Variants in ZBTB17 observed in about 807,000 individuals in gnomAD.
The protein encoded by ZBTB17 is zinc finger and BTB domain-containing protein 17.
ZBTB17 carries 24 observed loss-of-function variants against 85.1 expected under a neutral mutation model. The observed-to-expected ratio is 0.28, with a 90% CI of 0.20 to 0.40. The LOEUF (loss-of-function observed/expected upper bound fraction) is 0.40, where lower values mean the gene tolerates loss of function less well. ZBTB17 is among the 10% of genes least tolerant of loss of function. The pLI, the probability that ZBTB17 is intolerant of heterozygous loss-of-function variation, is 1.00. For synonymous variants in ZBTB17, 464 were observed against 460.2 expected (o/e 1.01, Z -0.11); for missense variants, 743 against 1,105.1 (o/e 0.67, Z 4.65).
At chr1:15,944,634 C>T (rs775349121) in intron 8 of ZBTB17, 34 bp from the exon 9 acceptor site, 76 of 1,600,294 alleles carry the variant, frequency 4.7e-5, no homozygotes, top group Non-Finnish European at 6.3e-5. Context: ...AGGCAGGGCT[C>T]GCTGGGGCGT....
At position 15,942,539 on chromosome 1, in the gene ZBTB17, A is replaced by G. The variant is rs1401211063; in HGVS notation, c.2028T>C (p.Thr676=). The G allele has an allele frequency of 1.2e-6, 2 of 1,611,020 alleles. No homozygotes were observed. The highest frequency in any genetic ancestry group is 1.1e-5 in the South Asian group (1 of 91,082). Residue 676 remains threonine, a synonymous_variant, in exon 14 of 16, where the codon ACT becomes ACC. Coordinates refer to ENST00000375743, the MANE Select transcript of ZBTB17 (RefSeq NM_003443.3). ...ATEALAATAV[T]QLTVVPVGAA... ...GCCCACAGCCCGCACCTGTGAGCTGAGTGACGGCTGTCGCTGCCAGTGCCT... is the reference window on the plus strand; with the variant it reads ...GCCCACAGCCCGCACCTGTGAGCTGGGTGACGGCTGTCGCTGCCAGTGCCT...
In ZBTB17 at chr1:15,966,903, G is replaced by A. The variant is rs975491981; in HGVS notation, c.-3+6136C>T. On this transcript the variant is annotated intron_variant, in intron 2 of 15. Transcript: ENST00000375743. The surrounding 1 kb of genome is among the most constrained non-coding windows in gnomAD (Gnocchi z 4.1). ...AACCTGGGCGAAAGAGCGAGACCCT[G>A]TCTCAAAAATTAAATTAATTAATTA... is the stretch of plus-strand genomic sequence containing the variant. Among the ~76,000 whole-genome samples, 1 of 150,058 alleles carries A rather than the reference G, an allele frequency of 6.7e-6. No homozygotes were observed. Among genetic ancestry groups the A allele is most frequent in the Admixed American group, 6.6e-5 (1 of 15,052 alleles).
chr1:15,967,080 TG>T, intron 2 of ZBTB17, among the ~76,000 whole-genome samples: 1 of 152,186 alleles, frequency 6.6e-6, no homozygotes, highest in South Asian at 2.1e-4. Context: ...AACCCAACAA[TG>T]GGTCACCCCA....
chr1:15,953,953 T>A lies in ZBTB17; in HGVS notation c.-2-5456A>T, dbSNP rs1004096156. ...TTAGGCCAAAGTCTTTATCAGATGG[T>A]TTCTATATACCCCTTTGCACTGGGC... On this transcript the variant is annotated intron_variant, in intron 2 of 15. Transcript: ENST00000375743. The surrounding 1 kb of genome is among the most constrained non-coding windows in gnomAD (Gnocchi z 5.1). Among the ~76,000 whole-genome samples the A allele has an allele frequency of 7.9e-5, 12 of 152,126 alleles. No homozygotes were observed. The highest frequency in any genetic ancestry group is 2.9e-4 in the African/African-American group (12 of 41,404).
At chr1:15,955,195 A>C (rs560664514) in intron 2 of ZBTB17, among the ~76,000 whole-genome samples, 1 of 152,252 alleles carries the variant, frequency 6.6e-6, no homozygotes, top group South Asian at 2.1e-4. Context: ...ACTTCCAAGG[A>C]AATGGAAGTT....
At chr1:15,970,587 C>T (rs2072614299) in intron 2 of ZBTB17, among the ~76,000 whole-genome samples, 2 of 151,826 alleles carry the variant, frequency 1.3e-5, no homozygotes, top group South Asian at 4.2e-4. Flanking sequence ...CTCGTTCTGT[C>T]ACCCAGGCTG....
chr1:15,965,157 C>T (rs938564012), intron 2 of ZBTB17, among the ~76,000 whole-genome samples: 1 of 145,928 alleles, frequency 6.9e-6, no homozygotes, highest in Non-Finnish European at 1.5e-5. Context: ...AAACAAAAAA[C>T]AATATCCTAC....
At chr1:15,946,086 C>T (rs2071596943) in intron 5 of ZBTB17, 68 bp downstream of exon 5, 1 of 1,599,070 alleles carries the variant, frequency 6.3e-7, no homozygotes, top group East Asian at 2.2e-5. Flanking sequence ...AGGCAGCCCT[C>T]ACTACCCTGT....
intron 15 of ZBTB17, 22 bp from the exon 16 acceptor site, chr1:15,942,274 CAG>C (rs1557768593): frequency 1.2e-6 from 2 of 1,613,192 alleles, no homozygotes; most frequent in Admixed American, 1.7e-5. Context: ...GGGCAGCAGT[CAG>C]AGTGGGAAGG....
In ZBTB17 at chr1:15,953,356, C is replaced by T. The variant is rs1182879893; in HGVS notation, c.-2-4859G>A. Among the ~76,000 whole-genome samples the T allele has an allele frequency of 6.6e-6, 1 of 152,064 alleles. No individual in the cohort carries two copies. The highest frequency in any genetic ancestry group is 3.2e-3 in the Middle Eastern group (1 of 316). ...TAAGAAAAAAGTGAGGTTCAGTTGC[C>T]AGACTTGATCCAGTCATGGCACAGA... On this transcript the variant is annotated intron_variant, in intron 2 of 15. Transcript: ENST00000375743. The surrounding 1 kb of genome is among the most constrained non-coding windows in gnomAD (Gnocchi z 5.1).
Position 15,946,917 on chromosome 1 carries a change from C to T in ZBTB17, c.394+18G>A. 3 of 1,595,860 alleles carry T rather than the reference C, an allele frequency of 1.9e-6. No homozygotes were observed. Among genetic ancestry groups the T allele is most frequent in the Non-Finnish European group, 2.6e-6 (3 of 1,166,170 alleles). ...AGGTCTCTGGCCATCTGCTTGGGAG[C>T]AGCTGCCAATAACCTACCTTCTGTG... On this transcript the variant is annotated intron_variant, in intron 4 of 15. Transcript: ENST00000375743.
chr1:15,946,413 G>A, intron 4 of ZBTB17, 119 bp from the exon 5 acceptor site: 4 of 1,456,710 alleles, frequency 2.7e-6, no homozygotes, highest in Non-Finnish European at 2.8e-6. Context: ...TCTAAGTAGT[G>A]GTTTGCTGAT....
chr1:15,942,473 T>G (rs2071403127), intron 14 of ZBTB17, 53 bp from the exon 15 acceptor site: 1 of 1,610,768 alleles, frequency 6.2e-7, no homozygotes, highest in Non-Finnish European at 8.5e-7. Context: ...TGCCCCATCA[T>G]CGCCACCCTG....
chr1:15,970,335 G>T lies in ZBTB17; in HGVS notation c.-3+2704C>A, dbSNP rs77021289. 60 of 238,560 alleles carry T rather than the reference G, an allele frequency of 2.5e-4. No homozygotes were observed. In the East Asian group the frequency reaches 6.5e-3, roughly 26 times the overall value. The allele number at this position is 238,560 out of a possible 1,614,324, so 14.8% of individuals were successfully genotyped here. ...GAGAAGGAAAAATAAAAAAAGTTTT[G>T]ATTTGCTCTCACTATGCACTTTGGA... On this transcript the variant is annotated intron_variant, in intron 2 of 15. Coordinates refer to ENST00000375743, the MANE Select transcript of ZBTB17 (RefSeq NM_003443.3).
At position 15,959,335 on chromosome 1, in the gene ZBTB17, A is replaced by G. The variant is rs16852117; in HGVS notation, c.-2-10838T>C. Reference sequence around the variant, plus strand: ...TCTGTAGGGTATACACAAAACTGGTAAAGAGAAGCCCCTCAGGGGAGCAGG... The same window carrying G: ...TCTGTAGGGTATACACAAAACTGGTGAAGAGAAGCCCCTCAGGGGAGCAGG... On this transcript the variant is annotated intron_variant, in intron 2 of 15. Coordinates refer to ENST00000375743, the MANE Select transcript of ZBTB17 (RefSeq NM_003443.3). Among the ~76,000 whole-genome samples, 138 of 152,302 alleles carry G rather than the reference A, an allele frequency of 9.1e-4. 2 individuals are homozygous for G. The East Asian group carries it at 0.026, about 28-fold the overall frequency.
At chr1:15,954,384 C>T (rs1193301049) in intron 2 of ZBTB17, among the ~76,000 whole-genome samples, 1 of 152,210 alleles carries the variant, frequency 6.6e-6, no homozygotes, top group African/African-American at 2.4e-5. Flanking sequence ...TAGGGAGACA[C>T]TGATCTTTAC....
rs576201409 is a variant in ZBTB17 at position 15,950,121 on chromosome 1, A to C, written c.-2-1624T>G. Among the ~76,000 whole-genome samples the C allele has an allele frequency of 8.4e-4, 128 of 152,348 alleles. 1 individual carries two copies. The highest frequency in any genetic ancestry group is 3.0e-3 in the African/African-American group (123 of 41,572). On this transcript the variant is annotated intron_variant, in intron 2 of 15. Transcript: ENST00000375743. ...GGGCCAGCCCCGAAATCAGGAGGTA[A>C]GGCCCTGGGGCAGCTGGCCCCGCAC...
At position 15,944,765 on chromosome 1, in the gene ZBTB17, G is replaced by A. The variant is rs9661939; in HGVS notation, c.1002C>T (p.Phe334=). 463,151 of 1,612,314 alleles carry A rather than the reference G, an allele frequency of 0.29. 71,173 individuals are homozygous for A. The highest frequency in any genetic ancestry group is 0.43 in the South Asian group (38,734 of 91,002). ...HIRIHTGEKP[F]SCRECSKAFS... ...AGGCCTTGCTGCACTCCCGGCACGA[G>A]AAGGGCTTCTCCCCCGTGTGGATGC... Residue 334 remains phenylalanine, a synonymous_variant, in exon 8 of 16, where the codon TTC becomes TTT. Transcript: ENST00000375743.
chr1:15,970,609 C>T (rs901372599), intron 2 of ZBTB17, among the ~76,000 whole-genome samples: 6 of 151,932 alleles, frequency 3.9e-5, no homozygotes, highest in African/African-American at 1.5e-4. Context: ...AGTGCAGTGG[C>T]GTGATCTCGG....
Sources: gnomAD v4.1 joint callset for allele counts (sites outside exome capture counted in the v4.1 genomes callset) on GRCh38, gnomAD v4.1.1 for gene constraint, Gnocchi (gnomAD v3.1) non-coding constraint, MANE v1.5 for transcripts, NCBI Gene and HGNC (gene_info 2026-07-23, HGNC 2026-07-21) for gene names.